GDAP1: variants seen among roughly 807,000 people sequenced by gnomAD.
The protein encoded by GDAP1 is ganglioside-induced differentiation-associated protein 1.
A neutral mutation model predicts 40.1 loss-of-function variants in GDAP1; 34 were observed. The observed-to-expected ratio is 0.85, with a 90% CI of 0.64 to 1.13. GDAP1 has a LOEUF of 1.13. GDAP1 is among the 50% of genes most tolerant of loss of function. The pLI is 0.00. For synonymous variants in GDAP1, 170 were observed against 157.4 expected (o/e 1.08, Z -0.60); for missense variants, 374 against 433.7 (o/e 0.86, Z 1.22).
intron 2 of GDAP1, among the ~76,000 whole-genome samples, chr8:74,389,276 G>A (rs1030416923): frequency 1.3e-5 from 2 of 152,044 alleles, no homozygotes; most frequent in African/African-American, 4.8e-5. Flanking sequence ...AGTATTGTTG[G>A]TCTTTACATT....
intron 2 of GDAP1, among the ~76,000 whole-genome samples, chr8:74,473,925 T>C (rs974529708): frequency 1.3e-5 from 2 of 152,248 alleles, no homozygotes; most frequent in African/African-American, 4.8e-5. Flanking sequence ...ATATTGATTG[T>C]TCCTATCCAT....
chr8:74,424,361 C>T lies in GDAP1; in HGVS notation c.166-64317C>T, dbSNP rs140469908. ...ATGAAGGGCTGATTGTATATACCTC[C>T]GTGGACACAAATCACTTTCCTGAGT... On this transcript the variant is annotated intron_variant, in intron 2 of 2. Transcript: ENST00000523640. 5.5e-3 allele frequency among the ~76,000 whole-genome samples: 835 copies of T among 152,174 alleles called. 4 individuals are homozygous for T. The highest frequency in any genetic ancestry group is 7.5e-3 in the Non-Finnish European group (510 of 67,984).
At chr8:74,467,839 C>T (rs1340760479) in intron 2 of GDAP1, among the ~76,000 whole-genome samples, 1 of 152,134 alleles carries the variant, frequency 6.6e-6, no homozygotes, top group African/African-American at 2.4e-5. Context: ...TTCTTAGGCC[C>T]TATACACACA....
intron 2 of GDAP1, among the ~76,000 whole-genome samples, chr8:74,383,400 C>T (rs933021769): frequency 3.9e-5 from 6 of 152,292 alleles, no homozygotes; most frequent in African/African-American, 1.4e-4. Context: ...AATTGTATCC[C>T]AGGTTAGTTA....
chr8:74,435,257 A>G (rs927141746), intron 2 of GDAP1, among the ~76,000 whole-genome samples: 5 of 152,206 alleles, frequency 3.3e-5, no homozygotes, highest in African/African-American at 1.2e-4. Flanking sequence ...ACCTTAAAGC[A>G]GGAGATAGGA....
At chr8:74,441,277 A>G (rs760657613) in intron 2 of GDAP1, among the ~76,000 whole-genome samples, 1 of 152,060 alleles carries the variant, frequency 6.6e-6, no homozygotes, top group African/African-American at 2.4e-5. Context: ...CTACTTTACT[A>G]TGTAAGTAGC....
rs764431996 is a variant in GDAP1, at chr8:74,366,231, G to A, written c.*1864G>A. ...ATAGTGGCAATTTCATATATTTCAT[G>A]GATACTTGAGTTTGTGCTTTTAAGG... is the stretch of plus-strand genomic sequence containing the variant. On this transcript the variant is annotated 3_prime_UTR_variant, in exon 6 of 6. Transcript: ENST00000220822. 1 of 453,964 alleles carries A rather than the reference G, an allele frequency of 2.2e-6. No individual in the cohort carries two copies. The highest frequency in any genetic ancestry group is 2.0e-5 in the African/African-American group (1 of 49,972). 28.1% of individuals were successfully genotyped at this position (453,964 alleles called of 1,614,324 possible).
At chr8:74,359,573 ATGT>A (rs1809257265) in intron 2 of GDAP1, among the ~76,000 whole-genome samples, 1 of 152,206 alleles carries the variant, frequency 6.6e-6, no homozygotes, top group Non-Finnish European at 1.5e-5. Flanking sequence ...GTCACTCTTG[ATGT>A]TGGTTGGCAC....
chr8:74,415,404 A>G (rs1245635351), intron 2 of GDAP1, among the ~76,000 whole-genome samples: 2 of 150,122 alleles, frequency 1.3e-5, no homozygotes, highest in African/African-American at 2.5e-5. Flanking sequence ...GAAAATATTA[A>G]TAGTGTGTAG....
chr8:74,366,531 A>G lies in GDAP1; in HGVS notation c.*2164A>G. 2.2e-6 allele frequency: 1 copy of G among 454,128 alleles called. No individual in the cohort carries two copies. Among genetic ancestry groups the G allele is most frequent in the South Asian group, 1.6e-5 (1 of 64,452 alleles). The allele number at this position is 454,128 out of a possible 1,614,324, so 28.1% of individuals were successfully genotyped here. ...CACAGTATTAGCTAAATAGGCACTT[A>G]TGTGTATTTTCTTTTTCATGATTAT... is the stretch of plus-strand genomic sequence containing the variant. On this transcript the variant is annotated 3_prime_UTR_variant, in exon 6 of 6. Coordinates refer to ENST00000220822, the MANE Select transcript of GDAP1 (RefSeq NM_018972.4).
At chr8:74,370,265 G>C (rs1182978082), downstream of GDAP1, among the ~76,000 whole-genome samples, 3 of 152,150 alleles carry the variant, frequency 2.0e-5, no homozygotes, top group Non-Finnish European at 4.4e-5. Flanking sequence ...GTAAATTTCT[G>C]GGCTCTATAA....
At chr8:74,428,860 C>T (rs1352114305) in intron 2 of GDAP1, among the ~76,000 whole-genome samples, 1 of 140,152 alleles carries the variant, frequency 7.1e-6, no homozygotes, top group African/African-American at 2.7e-5. Flanking sequence ...CTATCCCTCC[C>T]CGCCTCCCCC....
rs913308969 is a variant in GDAP1 at position 74,366,438 on chromosome 8, C to A, written c.*2071C>A. ...TTCTGTTTTAAAAAAAAGCTTGAGG[C>A]AAATGTGAGTGATTTCCAGTGCTTT... On this transcript the variant is annotated 3_prime_UTR_variant, in exon 6 of 6. Transcript: ENST00000220822. The A allele has an allele frequency of 1.5e-5, 7 of 454,288 alleles. No homozygotes were observed. The highest frequency in any genetic ancestry group is 2.6e-5 in the Non-Finnish European group (6 of 226,750). The allele number at this position is 454,288 out of a possible 1,614,324, so 28.1% of individuals were successfully genotyped here. A position where few individuals can be genotyped will look rare whatever the true frequency, so the allele number is the denominator to read the frequency against.
intron 2 of GDAP1, among the ~76,000 whole-genome samples, chr8:74,425,467 G>A (rs901831461): frequency 1.3e-5 from 2 of 152,184 alleles, no homozygotes; most frequent in Non-Finnish European, 2.9e-5. Context: ...AACTGTGGTT[G>A]TATGGGACAA....
At chr8:74,423,075 T>C (rs1413677782) in intron 2 of GDAP1, among the ~76,000 whole-genome samples, 1 of 147,914 alleles carries the variant, frequency 6.8e-6, no homozygotes, top group African/African-American at 2.5e-5. Context: ...ATATACTATA[T>C]ATATTATAAA....
chr8:74,379,046 T>C (rs997060896), intron 2 of GDAP1, among the ~76,000 whole-genome samples: 1 of 148,394 alleles, frequency 6.7e-6, no homozygotes, highest in African/African-American at 2.5e-5. Flanking sequence ...CTATGGACTC[T>C]TACAGGGAGG....
intron 2 of GDAP1, among the ~76,000 whole-genome samples, chr8:74,447,052 AC>A (rs1766956652): frequency 2.6e-5 from 4 of 152,274 alleles, no homozygotes; most frequent in African/African-American, 9.6e-5. Flanking sequence ...TAATCTTTCC[AC>A]AAGGGCCTTC....
At chr8:74,466,156 T>C (rs1806466851) in intron 2 of GDAP1, among the ~76,000 whole-genome samples, 2 of 152,188 alleles carry the variant, frequency 1.3e-5, no homozygotes, top group South Asian at 4.1e-4. Flanking sequence ...TTTGCAAAGA[T>C]ATGACTTCAT....
At chr8:74,488,136 A>T (rs1271997138) in intron 2 of GDAP1, among the ~76,000 whole-genome samples, 1 of 152,162 alleles carries the variant, frequency 6.6e-6, no homozygotes, top group Non-Finnish European at 1.5e-5. Context: ...TATTAGAGGA[A>T]CAAGCATTAA....
Sources: gnomAD v4.1 joint callset for allele counts (sites outside exome capture counted in the v4.1 genomes callset) on GRCh38, gnomAD v4.1.1 for gene constraint, MANE v1.5 for transcripts, NCBI Gene and HGNC (gene_info 2026-07-23, HGNC 2026-07-21) for gene names.